ABCA6: variants seen among roughly 807,000 people sequenced by gnomAD.
The protein encoded by ABCA6 is ATP binding cassette subfamily A member 6, also known as ATP-binding cassette sub-family A member 6.
A neutral mutation model predicts 191.2 loss-of-function variants in ABCA6; 164 were observed. That is an observed-to-expected ratio of 0.86 (90% CI 0.76 to 0.98). The LOEUF is 0.98. ABCA6 is among the 50% of genes least tolerant of loss of function. The pLI is 0.00. For missense variants in ABCA6, 1,958 were observed against 1,894.1 expected, an observed-to-expected ratio of 1.03 and a Z score of -0.63; for synonymous variants, 636 against 647.7, an observed-to-expected ratio of 0.98 and a Z score of 0.27.
At chr17:69,139,202 C>A (rs1463644787) in intron 2 of ABCA6, among the ~76,000 whole-genome samples, 1 of 152,112 alleles carries the variant, frequency 6.6e-6, no homozygotes, top group Non-Finnish European at 1.5e-5. Context: ...ACTCATCTGA[C>A]AAAGGGCCAA....
intron 23 of ABCA6, among the ~76,000 whole-genome samples, chr17:69,097,072 C>T (rs1178630098): frequency 9.9e-5 from 15 of 152,122 alleles, no homozygotes; most frequent in Admixed American, 9.8e-4. Context: ...AAGTGGACCT[C>T]ATAATGTTCA....
In ABCA6 at chr17:69,113,312, C is replaced by A. The variant is rs1326193529; in HGVS notation, c.1951G>T (p.Asp651Tyr). The stretch of plus-strand genomic sequence containing the variant: ...TCTCTCAGGAGGCTCCACACTTGAT[C>A]TCTGGAAAAGGGATCCAATCCAGTA... ...PTTGLDPFSR[D>Y]QVWSLLRERR... The change falls in exon 15 of 39, where the codon GAT becomes TAT. Residue 651 changes from aspartate to tyrosine, a missense_variant. By Grantham distance (160) the Asp-to-Tyr change is radical. Coordinates refer to ENST00000284425, the MANE Select transcript of ABCA6 (RefSeq NM_080284.3). The A allele has an allele frequency of 6.3e-7, 1 of 1,596,248 alleles. No individual in the cohort carries two copies. The highest frequency in any genetic ancestry group is 8.5e-7 in the Non-Finnish European group (1 of 1,175,772).
intron 21 of ABCA6, among the ~76,000 whole-genome samples, chr17:69,101,769 T>G (rs955958602): frequency 6.6e-6 from 1 of 152,176 alleles, no homozygotes; most frequent in Admixed American, 6.5e-5. Flanking sequence ...TTCATTAATC[T>G]ATTAGAAGGT....
rs767154289 is a variant in ABCA6, at chr17:69,091,299, C to G, written c.3409-37G>C. The G allele has an allele frequency of 2.5e-6, 4 of 1,599,004 alleles. No individual in the cohort carries two copies. The South Asian group carries it at 4.5e-5, about 18-fold the overall frequency. The stretch of plus-strand genomic sequence containing the variant: ...GTTCAAATATATTGTATCAGACATA[C>G]TCAACCCATTGATATTTTGTAAAAC... On this transcript the variant is annotated intron_variant, in intron 25 of 38. Transcript: ENST00000284425.
rs1266465920 is a variant in ABCA6 at position 69,113,713 on chromosome 17, C to T, written c.1807G>A (p.Asp603Asn). The T allele has an allele frequency of 1.2e-6, 2 of 1,612,390 alleles. No individual in the cohort carries two copies. Among genetic ancestry groups the T allele is most frequent in the Admixed American group, 1.7e-5 (1 of 59,838 alleles). ...AGGTTATCTTGAATGTTTTGCATGT[C>T]CAATTCCAATAATATTCGTTGTACC... is the stretch of plus-strand genomic sequence containing the variant. ...QEVQRILLEL[D>N]MQNIQDNLAK... The change falls in exon 14 of 39, where the codon GAC becomes AAC. Residue 603 changes from aspartate (D) to asparagine (N), a missense_variant. Physicochemically the swap from Asp to Asn is conservative, Grantham distance 23 (BLOSUM62 1). Transcript: ENST00000284425.
intron 11 of ABCA6, among the ~76,000 whole-genome samples, chr17:69,117,221 G>A (rs10512525): frequency 0.1 from 15,156 of 151,872 alleles, 2,577 homozygotes; most frequent in African/African-American, 0.35. Context: ...CACAATGGTC[G>A]GAGAACTCTA....
intron 18 of ABCA6, among the ~76,000 whole-genome samples, chr17:69,107,054 A>G (rs1386320714): frequency 6.6e-6 from 1 of 152,194 alleles, no homozygotes; most frequent in Non-Finnish European, 1.5e-5. Context: ...TATAGGGGAA[A>G]GATCATCAGC....
At chr17:69,121,828 T>A (rs1260960753) in intron 10 of ABCA6, among the ~76,000 whole-genome samples, 6 of 151,860 alleles carry the variant, frequency 4.0e-5, no homozygotes, top group Non-Finnish European at 7.4e-5. Flanking sequence ...TGGAACTGAG[T>A]TTTATGGAAT....
chr17:69,089,610 T>C (rs2072881360), intron 26 of ABCA6, 68 bp from the exon 27 acceptor site: 2 of 1,284,746 alleles, frequency 1.6e-6, no homozygotes, highest in Admixed American at 2.0e-5. Context: ...TGCACTTAAA[T>C]AATATAAAAT....
At chr17:69,085,531 A>AG (rs995357633) in intron 31 of ABCA6, 94 bp downstream of exon 31, 35 of 806,844 alleles carry the variant, frequency 4.3e-5, no homozygotes, top group African/African-American at 2.7e-4. Flanking sequence ...AAAAAAAAAA[A>AG]AAAAGAAAAG....
In ABCA6 at chr17:69,106,028, A is replaced by T. The variant is rs760865712; in HGVS notation, c.2573T>A (p.Leu858Gln). The change falls in exon 19 of 39, where the codon CTA becomes CAA. Residue 858 changes from leucine (L) to glutamine (Q), a missense_variant and splice_region_variant. Coordinates refer to ENST00000284425, the MANE Select transcript of ABCA6 (RefSeq NM_080284.3). ...LKRQTKVLLT[L>Q]LLVFGIAIFP... Reference sequence around the variant, plus strand: ...AAAACCACAGTACTCTCCTACTCACAGGGTCAATAACACTTTAGTTTGACG... The same window carrying T: ...AAAACCACAGTACTCTCCTACTCACTGGGTCAATAACACTTTAGTTTGACG... 13 of 1,605,126 alleles carry T rather than the reference A, an allele frequency of 8.1e-6. No homozygotes were observed. In the East Asian group the frequency reaches 2.9e-4, roughly 36 times the overall value.
chr17:69,089,440 T>C, intron 27 of ABCA6, 25 bp downstream of exon 27: 1 of 1,603,646 alleles, frequency 6.2e-7, no homozygotes, highest in Non-Finnish European at 8.5e-7. Flanking sequence ...AAAGAATGTG[T>C]GCTGAGGTGG....
rs2073165732 is a variant in ABCA6, at chr17:69,100,914, C to A, written c.2895G>T (p.Val965=). ...GKQKDYRFSV[V]CNTKRLHCFP... The stretch of plus-strand genomic sequence containing the variant: ...AACAGTGCAATCTCTTGGTATTACA[C>A]ACAACTGAAAATCTATAATCCTTAA... The change falls in exon 22 of 39, where the codon GTG becomes GTT. Residue 965 remains valine (V), a synonymous_variant. Transcript: ENST00000284425. The A allele has an allele frequency of 6.3e-7, 1 of 1,597,330 alleles. No homozygotes were observed. Among genetic ancestry groups the A allele is most frequent in the African/African-American group, 1.3e-5 (1 of 74,390 alleles).
At position 69,133,698 on chromosome 17, in the gene ABCA6, T is replaced by C. The variant is rs1293678222; in HGVS notation, c.734A>G (p.Glu245Gly). Residue 245 changes from glutamate to glycine, a missense_variant, in exon 6 of 39, where the codon GAG becomes GGG. Coordinates refer to ENST00000284425, the MANE Select transcript of ABCA6 (RefSeq NM_080284.3). ...VYFISLNVTKERKKSKNLMKM... is the reference protein window; with the variant it reads ...VYFISLNVTKGRKKSKNLMKM... ...CATCAAATTCTTAGACTTTTTTCTC[T>C]CTTTTGTTACATTGAGTGATATAAA... 2 of 1,608,578 alleles carry C rather than the reference T, an allele frequency of 1.2e-6. No homozygotes were observed. Among genetic ancestry groups the C allele is most frequent in the Admixed American group, 3.3e-5 (2 of 59,788 alleles).
intron 1 of ABCA6, among the ~76,000 whole-genome samples, chr17:69,141,317 A>G (rs1016132227): frequency 1.3e-5 from 2 of 152,116 alleles, no homozygotes; most frequent in African/African-American, 4.8e-5. Flanking sequence ...AGATACAGGA[A>G]GAATAAAGCA....
At position 69,128,629 on chromosome 17, in the gene ABCA6, C is replaced by A; in HGVS notation, c.1109G>T (p.Gly370Val). The change falls in exon 8 of 39, where the codon GGA (glycine) becomes GTA (valine). Residue 370 changes from glycine to valine, a missense_variant. By Grantham distance (109) the Gly-to-Val change is moderately radical. Transcript: ENST00000284425. ...NICSPFAFTT[G>V]MIQIIKLDYN... is the part of the protein sequence containing the mutation. The stretch of plus-strand genomic sequence containing the variant: ...TAACTAGGCTCTTACCTGAATCATT[C>A]CAGTAGTAAAGGCAAAAGGGCTACA... The A allele has an allele frequency of 6.2e-7, 1 of 1,610,274 alleles. No homozygotes were observed. The highest frequency in any genetic ancestry group is 8.5e-7 in the Non-Finnish European group (1 of 1,177,990).
chr17:69,109,554 C>A (rs555750285), intron 17 of ABCA6: 1 of 152,158 alleles, frequency 6.6e-6, no homozygotes, highest in Admixed American at 6.5e-5. Context: ...GTTTCATTTT[C>A]CACAGTTTCA....
chr17:69,106,057 T>C lies in ABCA6; in HGVS notation c.2544A>G (p.Leu848=). The part of the protein sequence containing the change: ...FAMARLRFLK[L]KRQTKVLLTL... ...TCAATAACACTTTAGTTTGACGTTT[T>C]AACTTTAAGAAACGGAGCCGTGCCA... The change falls in exon 19 of 39, where the codon TTA becomes TTG. Residue 848 remains leucine, a synonymous_variant. Transcript: ENST00000284425. 6.2e-7 allele frequency: 1 copy of C among 1,613,002 alleles called. No homozygotes were observed. The highest frequency in any genetic ancestry group is 8.5e-7 in the Non-Finnish European group (1 of 1,179,432).
At chr17:69,127,749 C>T (rs936061043) in intron 8 of ABCA6, among the ~76,000 whole-genome samples, 2 of 151,986 alleles carry the variant, frequency 1.3e-5, no homozygotes, top group Non-Finnish European at 2.9e-5. Flanking sequence ...TACTCTCAGC[C>T]CCACTATTCT....
Sources: allele counts gnomAD v4.1 joint callset (sites outside exome capture counted in the v4.1 genomes callset), GRCh38; gene constraint gnomAD v4.1.1; transcripts MANE v1.5; gene names NCBI Gene and HGNC (gene_info 2026-07-23, HGNC 2026-07-21).